The following FBXW8 variants were observed in gnomAD, a reference collection of about 807,000 sequenced individuals.
The protein encoded by FBXW8 is F-box/WD repeat-containing protein 8.
FBXW8 carries 57 observed loss-of-function variants against 65.3 expected under a neutral mutation model. That is an observed-to-expected ratio of 0.87 (90% CI 0.71 to 1.09). The LOEUF is 1.09. FBXW8 is among the 50% of genes least tolerant of loss of function. The pLI, the probability that FBXW8 is intolerant of heterozygous loss-of-function variation, is 0.00. For missense variants in FBXW8, 777 were observed against 814.8 expected (o/e 0.95, Z 0.57); for synonymous variants, 308 against 330.2 (o/e 0.93, Z 0.73).
intron 2 of FBXW8, among the ~76,000 whole-genome samples, chr12:116,939,487 A>G (rs1399722948): frequency 6.6e-6 from 1 of 152,220 alleles, no homozygotes; most frequent in African/African-American, 2.4e-5. Context: ...ATCCTTTTCT[A>G]AGGAACTTAT....
chr12:117,028,286 A>G lies in FBXW8; in HGVS notation c.*114A>G. 1 of 1,331,050 alleles carries G rather than the reference A, an allele frequency of 7.5e-7. No individual in the cohort carries two copies. Among genetic ancestry groups the G allele is most frequent in the South Asian group, 1.4e-5 (1 of 72,024 alleles). 82.5% of individuals were successfully genotyped at this position (1,331,050 alleles called of 1,614,324 possible). ...AACATTTAGGGGAAGAAAGCAGCCCAGGGTGCCATGCCTGACAGCACGCAT... is the reference window on the plus strand; with the variant it reads ...AACATTTAGGGGAAGAAAGCAGCCCGGGGTGCCATGCCTGACAGCACGCAT... On this transcript the variant is annotated 3_prime_UTR_variant, in exon 11 of 11. Coordinates refer to ENST00000652555, the MANE Select transcript of FBXW8 (RefSeq NM_153348.3). This position sits in a 1 kb window ranked among gnomAD's most constrained non-coding sequence, Gnocchi z 4.1.
At chr12:117,002,701 G>A (rs905018061) in intron 7 of FBXW8, 3 of 152,128 alleles carry the variant, frequency 2.0e-5, no homozygotes, top group Non-Finnish European at 2.9e-5. Flanking sequence ...GGAGTAAACT[G>A]CTTTTAAATC....
intron 8 of FBXW8, among the ~76,000 whole-genome samples, 158 bp downstream of exon 8, chr12:117,010,608 C>T (rs528746940): frequency 3.9e-5 from 6 of 152,340 alleles, no homozygotes; most frequent in Middle Eastern, 6.8e-3. Context: ...AGAACAAAGT[C>T]CTGTATTAGG....
rs1954311374 is a variant in FBXW8, at chr12:117,029,516, A to G, written c.*1344A>G. On this transcript the variant is annotated 3_prime_UTR_variant, in exon 11 of 11. Transcript: ENST00000652555. ...CCTCAGCTCAGAAAAGGTAGCAGCA[A>G]TCCCAAAGCAGCAGAAGGCAGGGGT... 1 of 152,270 alleles carries G rather than the reference A, an allele frequency of 6.6e-6. No homozygotes were observed. The highest frequency in any genetic ancestry group is 2.4e-5 in the African/African-American group (1 of 41,458). The allele number at this position is 152,270 out of a possible 1,614,324, so 9.4% of individuals were successfully genotyped here.
At chr12:116,996,586 A>C (rs1308711720) in intron 7 of FBXW8, among the ~76,000 whole-genome samples, 1 of 152,164 alleles carries the variant, frequency 6.6e-6, no homozygotes, top group East Asian at 1.9e-4. Context: ...TTTCCATTTA[A>C]AAATTTTAAA....
intron 4 of FBXW8, among the ~76,000 whole-genome samples, chr12:116,954,500 G>T (rs944216219): frequency 2.0e-5 from 3 of 152,106 alleles, no homozygotes; most frequent in Non-Finnish European, 2.9e-5. Flanking sequence ...AATATTTTAT[G>T]TATAGATGTC....
chr12:116,998,687 C>G (rs1281987390), intron 7 of FBXW8, among the ~76,000 whole-genome samples: 1 of 149,040 alleles, frequency 6.7e-6, no homozygotes, highest in Non-Finnish European at 1.5e-5. Flanking sequence ...TCATGGGGAG[C>G]TAAGGGAGCC....
chr12:116,914,179 G>A (rs1473040946), intron 1 of FBXW8, among the ~76,000 whole-genome samples: 1 of 152,092 alleles, frequency 6.6e-6, no homozygotes, highest in African/African-American at 2.4e-5. Flanking sequence ...AGGCTGAGGT[G>A]GGAGGATCGC....
chr12:116,963,537 G>A (rs1884122278), intron 4 of FBXW8, among the ~76,000 whole-genome samples: 1 of 152,228 alleles, frequency 6.6e-6, no homozygotes, highest in African/African-American at 2.4e-5. Flanking sequence ...CTGGGAGACG[G>A]AGGTTGCAGT....
rs182488889 is a variant in FBXW8, at chr12:117,008,829, G to T, written c.1240-1494G>T. On this transcript the variant is annotated intron_variant, in intron 7 of 10. Transcript: ENST00000652555. Reference sequence around the variant, plus strand: ...AAAACCTTTGGCTGAGGCCAGGCGTGCTGGCTCATGCCTGTAATCTCAGCA... The same window carrying T: ...AAAACCTTTGGCTGAGGCCAGGCGTTCTGGCTCATGCCTGTAATCTCAGCA... 4.6e-3 allele frequency among the ~76,000 whole-genome samples: 696 copies of T among 152,320 alleles called. 4 individuals are homozygous for T. The highest frequency in any genetic ancestry group is 0.016 in the African/African-American group (646 of 41,562).
chr12:116,976,756 C>T (rs116324667), intron 5 of FBXW8, among the ~76,000 whole-genome samples: 4,092 of 152,098 alleles, frequency 0.027, 181 homozygotes, highest in African/African-American at 0.087. Context: ...ATAGTGTAGC[C>T]ATTTTATTTT....
At chr12:116,956,672 T>G (rs967901185) in intron 4 of FBXW8, among the ~76,000 whole-genome samples, 10 of 152,144 alleles carry the variant, frequency 6.6e-5, no homozygotes, top group African/African-American at 2.4e-4. Context: ...TATTGGAAAA[T>G]ATAATTTTAA....
intron 2 of FBXW8, 66 bp from the exon 3 acceptor site, chr12:116,945,298 T>G: frequency 1.3e-6 from 2 of 1,532,808 alleles, no homozygotes; most frequent in Non-Finnish European, 1.8e-6. Context: ...TGTTGATTGA[T>G]TTTTGGATGA....
chr12:117,022,964 C>T (rs1954136317), intron 8 of FBXW8, among the ~76,000 whole-genome samples: 1 of 152,232 alleles, frequency 6.6e-6, no homozygotes, highest in South Asian at 2.1e-4. Flanking sequence ...CCAGGTCCCA[C>T]TTAAGCCATC....
intron 8 of FBXW8, among the ~76,000 whole-genome samples, chr12:117,014,348 C>T (rs1953897172): frequency 6.6e-6 from 1 of 152,132 alleles, no homozygotes; most frequent in African/African-American, 2.4e-5. Flanking sequence ...ATGCATTTTA[C>T]CTTTACCTCG....
rs1405368632 is a variant in FBXW8, at chr12:116,961,348, G to C, written c.678-3349G>C. Among the ~76,000 whole-genome samples the C allele has an allele frequency of 1.3e-5, 2 of 152,136 alleles. No individual in the cohort carries two copies. The highest frequency in any genetic ancestry group is 4.8e-5 in the African/African-American group (2 of 41,418). On this transcript the variant is annotated intron_variant, in intron 4 of 10. Coordinates refer to ENST00000652555, the MANE Select transcript of FBXW8 (RefSeq NM_153348.3). The surrounding 1 kb of genome is among the most constrained non-coding windows in gnomAD (Gnocchi z 4.4). ...CCAGGCAAATTTAATGTGCAGCCCA[G>C]GCTGGACCCCACTGGGCTGGGAGGT...
At chr12:116,914,559 C>T (rs549355166) in intron 1 of FBXW8, among the ~76,000 whole-genome samples, 4 of 109,196 alleles carry the variant, frequency 3.7e-5, no homozygotes, top group East Asian at 2.7e-4. Context: ...GGTGACAGAG[C>T]GAAACCCTGT....
intron 9 of FBXW8, among the ~76,000 whole-genome samples, chr12:117,025,124 C>T (rs925869236): frequency 2.0e-5 from 3 of 152,186 alleles, no homozygotes; most frequent in Admixed American, 2.0e-4. Flanking sequence ...GAACAGGAGA[C>T]CCTGCGTTTG....
At chr12:117,017,691 A>C (rs1953985770) in intron 8 of FBXW8, among the ~76,000 whole-genome samples, 1 of 152,214 alleles carries the variant, frequency 6.6e-6, no homozygotes, top group Non-Finnish European at 1.5e-5. Context: ...AAAAGCCTAC[A>C]TTGTAATACC....
Sources: allele counts gnomAD v4.1 joint callset (sites outside exome capture counted in the v4.1 genomes callset), GRCh38; gene constraint gnomAD v4.1.1; non-coding constraint Gnocchi (gnomAD v3.1); transcripts MANE v1.5; gene names NCBI Gene and HGNC (gene_info 2026-07-23, HGNC 2026-07-21).